SYTL3: variants seen among roughly 807,000 people sequenced by gnomAD.
SYTL3 encodes synaptotagmin like 3.
Under a neutral mutation model 82.1 loss-of-function variants are expected in SYTL3, and 88 were observed. The ratio of observed to expected loss-of-function variants is 1.07; its 90% CI spans 0.90 to 1.28. The LOEUF is 1.28. SYTL3 is among the 50% of genes most tolerant of loss of function. The pLI is 0.00. For synonymous variants in SYTL3, 311 were observed against 289.4 expected, an observed-to-expected ratio of 1.07 and a Z score of -0.76; for missense variants, 831 against 757.6, an observed-to-expected ratio of 1.10 and a Z score of -1.14.
chr6:158,691,871 A>G (rs1419861387), intron 6 of SYTL3, among the ~76,000 whole-genome samples: 1 of 149,902 alleles, frequency 6.7e-6, no homozygotes, highest in East Asian at 2.0e-4. Context: ...CAAGATGGTC[A>G]CGATCTCCTG....
chr6:158,757,131 G>A, intron 13 of SYTL3, 80 bp from the exon 14 acceptor site: 1 of 1,430,984 alleles, frequency 7.0e-7, no homozygotes. Flanking sequence ...TGGGGCCCTG[G>A]AAGGTGGGGT....
intron 10 of SYTL3, among the ~76,000 whole-genome samples, chr6:158,720,946 G>T (rs1380562628): frequency 6.6e-6 from 1 of 152,192 alleles, no homozygotes; most frequent in Non-Finnish European, 1.5e-5. Flanking sequence ...TCTGCATGAG[G>T]ATGGCCCGTG....
chr6:158,757,090 GGGAGGGA>G (rs1421854553), intron 13 of SYTL3, 114 bp from the exon 14 acceptor site: 2 of 979,250 alleles, frequency 2.0e-6, no homozygotes, highest in Non-Finnish European at 2.9e-6. Flanking sequence ...CTCAGCCTGT[GGGAGGGA>G]GGCCTGCGCC....
chr6:158,681,937 G>A (rs1778741894), intron 5 of SYTL3, among the ~76,000 whole-genome samples: 1 of 152,192 alleles, frequency 6.6e-6, no homozygotes. Context: ...TGATACATTG[G>A]TCATTTGTGG....
At chr6:158,683,044 A>ATATTTGATG (rs1778893753) in intron 6 of SYTL3, 55 bp downstream of exon 6, 4 of 1,321,016 alleles carry the variant, frequency 3.0e-6, no homozygotes, top group Non-Finnish European at 4.3e-6. Context: ...TAGTTTTAAA[A>ATATTTGATG]TATTTGATGT....
chr6:158,761,561 G>A (rs953129766), intron 15 of SYTL3, among the ~76,000 whole-genome samples: 6 of 152,090 alleles, frequency 3.9e-5, no homozygotes, highest in Non-Finnish European at 7.4e-5. Flanking sequence ...GCCCACCTTG[G>A]CCTCCCAAAG....
At chr6:158,715,832 C>T (rs1189812242) in intron 9 of SYTL3, among the ~76,000 whole-genome samples, 2 of 152,118 alleles carry the variant, frequency 1.3e-5, no homozygotes, top group African/African-American at 4.8e-5. Context: ...TAGGCGCTGA[C>T]TCCTATTTCT....
In SYTL3 at chr6:158,763,321, A is replaced by G. The variant is rs1790256609; in HGVS notation, c.1535A>G (p.Asp512Gly). 1.9e-6 allele frequency: 3 copies of G among 1,614,068 alleles called. No individual in the cohort carries two copies. Among genetic ancestry groups the G allele is most frequent in the Non-Finnish European group, 1.7e-6 (2 of 1,180,044 alleles). Residue 512 changes from aspartate to glycine, a missense_variant, in exon 17 of 18, where the codon GAC (aspartate) becomes GGC (glycine). Transcript: ENST00000611299. ...SFVKGCLTLPDQQKLRLKSPV... is the reference protein window; with the variant it reads ...SFVKGCLTLPGQQKLRLKSPV... ...CTCTTCAGCTGTCTCACTCTGCCAG[A>G]CCAACAAAAACTGAGACTGAAGTCG...
At chr6:158,717,479 A>G (rs762578793) in intron 9 of SYTL3, among the ~76,000 whole-genome samples, 1 of 152,124 alleles carries the variant, frequency 6.6e-6, no homozygotes, top group Non-Finnish European at 1.5e-5. Context: ...GGATGAAACT[A>G]TCTTCAAGGT....
chr6:158,670,786 A>G (rs1245096043), intron 5 of SYTL3, among the ~76,000 whole-genome samples: 1 of 150,298 alleles, frequency 6.7e-6, no homozygotes, highest in East Asian at 2.1e-4. Context: ...AAAAAAAAGA[A>G]AAAAAAGAAA....
intron 5 of SYTL3, among the ~76,000 whole-genome samples, chr6:158,680,981 C>A (rs769353755): frequency 2.0e-5 from 3 of 152,150 alleles, no homozygotes; most frequent in Non-Finnish European, 4.4e-5. Flanking sequence ...CTTACATTAG[C>A]AAGCATTAAT....
At chr6:158,683,060 C>A in intron 6 of SYTL3, 71 bp downstream of exon 6, 1 of 1,174,518 alleles carries the variant, frequency 8.5e-7, no homozygotes, top group Non-Finnish European at 1.2e-6. Flanking sequence ...GATGTTAAGA[C>A]TTTGGAATAT....
At chr6:158,647,698 A>G (rs1279372153), upstream of SYTL3, among the ~76,000 whole-genome samples, 1 of 152,274 alleles carries the variant, frequency 6.6e-6, no homozygotes, top group African/African-American at 2.4e-5. Context: ...GATGTCCATC[A>G]GAAGCATTGG....
In SYTL3 at chr6:158,719,975, G is replaced by T. The variant is rs868593489; in HGVS notation, c.720+1764G>T. On this transcript the variant is annotated intron_variant, in intron 10 of 17. Coordinates refer to ENST00000611299, the MANE Select transcript of SYTL3 (RefSeq NM_001242394.2). ...GTGGTGTCACATGTCTATAATCCCA[G>T]CTACTAGGGAGACTGAGGTGGGAGG... Among the ~76,000 whole-genome samples the T allele has an allele frequency of 1.1e-3, 164 of 152,292 alleles. 1 individual carries two copies. Among genetic ancestry groups the T allele is most frequent in the African/African-American group, 3.7e-3 (153 of 41,546 alleles).
chr6:158,706,612 C>G (rs1051316898), intron 6 of SYTL3, among the ~76,000 whole-genome samples: 11 of 152,110 alleles, frequency 7.2e-5, no homozygotes, highest in African/African-American at 2.4e-4. Flanking sequence ...TGGTCTCTTC[C>G]TATGCATTTG....
chr6:158,649,411 G>A (rs1787739874), upstream of SYTL3, among the ~76,000 whole-genome samples: 1 of 152,242 alleles, frequency 6.6e-6, no homozygotes, highest in African/African-American at 2.4e-5. Flanking sequence ...GAAAGAGAAT[G>A]AATGGTGGCC....
intron 2 of SYTL3, among the ~76,000 whole-genome samples, chr6:158,657,504 G>GA (rs199510543): frequency 0.014 from 2,105 of 150,072 alleles, 43 homozygotes; most frequent in African/African-American, 0.049. Context: ...AAAACTTTAT[G>GA]AAAAAACAAA....
At position 158,760,679 on chromosome 6, in the gene SYTL3, G is replaced by A. The variant is rs1789790266; in HGVS notation, c.1348G>A (p.Glu450Lys). The change falls in exon 15 of 18, where the codon GAG (glutamate) becomes AAG (lysine). Residue 450 changes from glutamate (E) to lysine (K), a missense_variant. Transcript: ENST00000611299. ...AGACAGCGTTCCTCAGAGTAATGGA[G>A]AGCTCACAGTCCGGGCTAAGCTGGT... Reference protein sequence around the residue: ...YEDSVPQSNGELTVRAKLVLP... With the variant: ...YEDSVPQSNGKLTVRAKLVLP... The A allele has an allele frequency of 1.2e-6, 2 of 1,614,002 alleles. No homozygotes were observed. Among genetic ancestry groups the A allele is most frequent in the South Asian group, 1.1e-5 (1 of 91,074 alleles).
chr6:158,646,788 C>T (rs756319157), upstream of SYTL3, among the ~76,000 whole-genome samples: 3 of 152,100 alleles, frequency 2.0e-5, no homozygotes, highest in East Asian at 1.9e-4. Context: ...TTCAGTCGTG[C>T]GCCTCAGTCC....
Sources: allele counts gnomAD v4.1 joint callset (sites outside exome capture counted in the v4.1 genomes callset), GRCh38; gene constraint gnomAD v4.1.1; transcripts MANE v1.5; gene names NCBI Gene and HGNC (gene_info 2026-07-23, HGNC 2026-07-21).